PKD2: variants seen among roughly 807,000 people sequenced by gnomAD.
PKD2 encodes the protein polycystin-2.
A neutral mutation model predicts 105.9 loss-of-function variants in PKD2; 48 were observed. The ratio of observed to expected loss-of-function variants is 0.45; its 90% confidence interval spans 0.36 to 0.58. The LOEUF is 0.58. PKD2 is among the 20% of genes least tolerant of loss of function. PKD2 has a pLI of 0.00. For synonymous variants in PKD2, 464 were observed against 481.1 expected, an observed-to-expected ratio of 0.96 and a Z score of 0.46; for missense variants, 1,078 against 1,255.3, an observed-to-expected ratio of 0.86 and a Z score of 2.13.
chr4:88,070,573 T>TTA (rs1247392619), intron 13 of PKD2, among the ~76,000 whole-genome samples: 8 of 87,858 alleles, frequency 9.1e-5, no homozygotes, highest in South Asian at 3.7e-4. Context: ...ATTTATTTAT[T>TTA]TTATATATAT....
At chr4:88,028,198 A>G (rs1259582360) in intron 2 of PKD2, among the ~76,000 whole-genome samples, 1 of 152,202 alleles carries the variant, frequency 6.6e-6, no homozygotes, top group Non-Finnish European at 1.5e-5. Flanking sequence ...ATTCTGAAAA[A>G]GAAAGGAATA....
intron 9 of PKD2, among the ~76,000 whole-genome samples, chr4:88,060,102 A>G (rs982694740): frequency 6.6e-6 from 1 of 152,092 alleles, no homozygotes; most frequent in African/African-American, 2.4e-5. Flanking sequence ...AGCACTTTCT[A>G]TTTTTTGAAA....
At chr4:88,046,403 G>A (rs1017173139) in intron 5 of PKD2, among the ~76,000 whole-genome samples, 3 of 151,952 alleles carry the variant, frequency 2.0e-5, no homozygotes, top group African/African-American at 7.2e-5. Context: ...GGAAGACTGA[G>A]CAGGAAGTAC....
intron 4 of PKD2, among the ~76,000 whole-genome samples, chr4:88,042,745 C>A (rs1727615948): frequency 6.6e-6 from 1 of 152,088 alleles, no homozygotes; most frequent in African/African-American, 2.4e-5. Flanking sequence ...CCTTTATATC[C>A]CCATTAGTGC....
In PKD2 at chr4:88,065,513, T is replaced by C. The variant is rs1288370939; in HGVS notation, c.2240+18T>C. ...CTCAAAGGGTGAGAATCATGCTTCC[T>C]GAGGTTCTGAAAAATTCCTGCTTCT... On this transcript the variant is annotated intron_variant, in intron 11 of 14. Transcript: ENST00000237596. 4.3e-6 allele frequency: 7 copies of C among 1,612,548 alleles called. No homozygotes were observed. The highest frequency in any genetic ancestry group is 5.9e-6 in the Non-Finnish European group (7 of 1,178,800).
rs989855371 is a variant in PKD2, at chr4:88,023,106, A to T, written c.709+3535A>T. On this transcript the variant is annotated intron_variant, in intron 2 of 14. Coordinates refer to ENST00000237596, the MANE Select transcript of PKD2 (RefSeq NM_000297.4). ...TCTCAAAAAATAAATAAATGAATAA[A>T]TAAATAAAATAAATAAATAAATAGA... Among the ~76,000 whole-genome samples the T allele has an allele frequency of 2.6e-5, 4 of 151,952 alleles. No homozygotes were observed. The South Asian group carries it at 8.3e-4, about 31-fold the overall frequency.
At chr4:88,021,291 T>A (rs1380765021) in intron 2 of PKD2, among the ~76,000 whole-genome samples, 4 of 152,332 alleles carry the variant, frequency 2.6e-5, no homozygotes, top group African/African-American at 9.6e-5. Flanking sequence ...GCCTCCATAA[T>A]GTAGCCTAGA....
intron 2 of PKD2, among the ~76,000 whole-genome samples, chr4:88,021,819 G>A (rs1019140167): frequency 2.0e-5 from 3 of 152,130 alleles, no homozygotes; most frequent in African/African-American, 7.2e-5. Context: ...TCAGCTCTTC[G>A]CAAGTTTGGA....
intron 12 of PKD2, among the ~76,000 whole-genome samples, chr4:88,066,354 CT>C (rs908664378): frequency 4.8e-5 from 7 of 146,098 alleles, no homozygotes; most frequent in African/African-American, 7.5e-5. Context: ...AAATTGTTAA[CT>C]TTTTTTTCTT....
chr4:88,073,599 C>T (rs1472585698), intron 13 of PKD2, among the ~76,000 whole-genome samples: 3 of 151,786 alleles, frequency 2.0e-5, no homozygotes, highest in African/African-American at 4.8e-5. Flanking sequence ...GATACTGTAG[C>T]CCTAGACTGG....
intron 6 of PKD2, among the ~76,000 whole-genome samples, chr4:88,048,219 G>A (rs1293559862): frequency 6.6e-6 from 1 of 152,102 alleles, no homozygotes; most frequent in Non-Finnish European, 1.5e-5. Context: ...AGTAAATGAT[G>A]CACTACCCTA....
At chr4:88,031,332 C>G (rs1727142250) in intron 2 of PKD2, among the ~76,000 whole-genome samples, 1 of 152,236 alleles carries the variant, frequency 6.6e-6, no homozygotes, top group South Asian at 2.1e-4. Context: ...GGATGTAACT[C>G]TACTATAAGT....
At chr4:88,025,483 A>G (rs1726923582) in intron 2 of PKD2, among the ~76,000 whole-genome samples, 3 of 151,918 alleles carry the variant, frequency 2.0e-5, no homozygotes, top group African/African-American at 7.2e-5. Flanking sequence ...GCATGGTGGC[A>G]CATGCCTGTA....
intron 3 of PKD2, among the ~76,000 whole-genome samples, chr4:88,037,963 C>G (rs746815183): frequency 6.6e-6 from 1 of 152,156 alleles, no homozygotes; most frequent in Non-Finnish European, 1.5e-5. Context: ...GAACAAAAAT[C>G]AGAGCTGCCA....
intron 2 of PKD2, among the ~76,000 whole-genome samples, chr4:88,020,538 A>C (rs1726712277): frequency 6.6e-6 from 1 of 152,128 alleles, no homozygotes; most frequent in African/African-American, 2.4e-5. Flanking sequence ...CCAGAAAGCC[A>C]CAGGTGATGG....
chr4:88,021,180 G>A (rs1249460714), intron 2 of PKD2, among the ~76,000 whole-genome samples: 1 of 152,168 alleles, frequency 6.6e-6, no homozygotes, highest in Admixed American at 6.5e-5. Flanking sequence ...GGTAACCCCT[G>A]TACGTAAGTC....
chr4:88,070,601 T>TATATAGAGAGAGAG (rs1313482750), intron 13 of PKD2, among the ~76,000 whole-genome samples: 12 of 91,472 alleles, frequency 1.3e-4, no homozygotes, highest in African/African-American at 1.7e-4. Context: ...TATATATATA[T>TATATAGAGAGAGAG]AGAGAGAGAG....
chr4:88,075,353 G>T (rs2110151366), intron 14 of PKD2, 105 bp from the exon 15 acceptor site: 1 of 880,072 alleles, frequency 1.1e-6, no homozygotes, highest in South Asian at 1.3e-5. Flanking sequence ...GCTATTATAT[G>T]CTGTAAATCT....
At chr4:88,010,339 C>T (rs1481492946) in intron 1 of PKD2, among the ~76,000 whole-genome samples, 1 of 152,124 alleles carries the variant, frequency 6.6e-6, no homozygotes, top group Non-Finnish European at 1.5e-5. Flanking sequence ...ATATTCTTGT[C>T]ACTTATTAAA....
Sources: allele counts gnomAD v4.1 joint callset (sites outside exome capture counted in the v4.1 genomes callset), GRCh38; gene constraint gnomAD v4.1.1; transcripts MANE v1.5; gene names NCBI Gene and HGNC (gene_info 2026-07-23, HGNC 2026-07-21).